The following AHRR variants were observed in gnomAD, a reference collection of about 807,000 sequenced individuals.
The protein encoded by AHRR is aryl hydrocarbon receptor repressor, also known as ahR repressor.
AHRR carries 28 observed loss-of-function variants against 44.0 expected under a neutral mutation model. The ratio of observed to expected loss-of-function variants is 0.64; its 90% CI spans 0.47 to 0.87. AHRR has a LOEUF of 0.87. AHRR is among the 40% of genes least tolerant of loss of function. The probability of loss-of-function intolerance (pLI) is 0.00; values close to 1 mark genes in which losing one functional copy is unlikely to be tolerated. For synonymous variants in AHRR, 434 were observed against 407.0 expected, an observed-to-expected ratio of 1.07 and a Z score of -0.80; for missense variants, 990 against 953.9, an observed-to-expected ratio of 1.04 and a Z score of -0.50.
In AHRR at chr5:404,140, A is replaced by C. The variant is rs1318419170; in HGVS notation, c.352-9204A>C. ...GGGGTTACCCTTCTCCGTCTCTCTC[A>C]GCCTCAGCCGTTCCTGGTGGGTCTG... On this transcript the variant is annotated intron_variant, in intron 4 of 10. Transcript: ENST00000684583. This position sits in a 1 kb window ranked among gnomAD's most constrained non-coding sequence, Gnocchi z 4.1. 1 of 539,672 alleles carries C rather than the reference A, an allele frequency of 1.9e-6. No individual in the cohort carries two copies. Among genetic ancestry groups the C allele is most frequent in the African/African-American group, 1.9e-5 (1 of 52,452 alleles). 33.4% of individuals were successfully genotyped at this position (539,672 alleles called of 1,614,324 possible). A position where few individuals can be genotyped will look rare whatever the true frequency, so the allele number is the denominator to read the frequency against.
In AHRR at chr5:388,900, G is replaced by A. The variant is rs1039487702; in HGVS notation, c.351+12184G>A. Among the ~76,000 whole-genome samples, 1 of 152,196 alleles carries A rather than the reference G, an allele frequency of 6.6e-6. No individual in the cohort carries two copies. Among genetic ancestry groups the A allele is most frequent in the African/African-American group, 2.4e-5 (1 of 41,462 alleles). On this transcript the variant is annotated intron_variant, in intron 4 of 10. Coordinates refer to ENST00000684583, the MANE Select transcript of AHRR (RefSeq NM_001377236.1). The surrounding 1 kb of genome is among the most constrained non-coding windows in gnomAD (Gnocchi z 5.2). ...ATGACAAAAGCAGCAGGTGCGGAGG[G>A]TTTCCGCCGGTGCCTCGCACAGGAG...
chr5:341,461 C>G (rs890890006), intron 1 of AHRR, among the ~76,000 whole-genome samples: 3 of 150,952 alleles, frequency 2.0e-5, no homozygotes, highest in African/African-American at 7.3e-5. Context: ...TTCAAAGAAC[C>G]AACTTTTGGT....
At chr5:415,564 AATCT>A in intron 5 of AHRR, among the ~76,000 whole-genome samples, 5 of 145,306 alleles carry the variant, frequency 3.4e-5, no homozygotes, top group Non-Finnish European at 4.5e-5. Context: ...CTAGGGGCCG[AATCT>A]GCCTGGTCTG....
In AHRR at chr5:406,153, T is replaced by C. The variant is rs141252182; in HGVS notation, c.352-7191T>C. On this transcript the variant is annotated intron_variant, in intron 4 of 10. Coordinates refer to ENST00000684583, the MANE Select transcript of AHRR (RefSeq NM_001377236.1). The surrounding 1 kb of genome is among the most constrained non-coding windows in gnomAD (Gnocchi z 4.7). ...TGTCCGGAAGAAGCCTCTTGCAGTGTGGATGGGAACCTGCCACAGCTGGGC... is the reference window on the plus strand; with the variant it reads ...TGTCCGGAAGAAGCCTCTTGCAGTGCGGATGGGAACCTGCCACAGCTGGGC... Among the ~76,000 whole-genome samples the C allele has an allele frequency of 2.6e-5, 4 of 152,318 alleles. No homozygotes were observed. Among genetic ancestry groups the C allele is most frequent in the Non-Finnish European group, 5.9e-5 (4 of 68,008 alleles).
At chr5:344,409 G>T (rs138500045) in intron 2 of AHRR, among the ~76,000 whole-genome samples, 613 of 18,162 alleles carry the variant, frequency 0.034, 37 homozygotes, top group African/African-American at 0.1. Flanking sequence ...GAGGGCTGCG[G>T]GGGTGTGTGC....
Position 395,372 on chromosome 5 carries a change from C to T in AHRR, c.352-17972C>T, listed in dbSNP as rs143305056. 5.3e-5 allele frequency among the ~76,000 whole-genome samples: 8 copies of T among 152,304 alleles called. 1 individual carries two copies. Among genetic ancestry groups the T allele is most frequent in the African/African-American group, 1.7e-4 (7 of 41,574 alleles). ...CCGAAAATTAGGGGAATAAAAGTCC[C>T]GGGAGAGGACAAGGTGGCAAACAGG... On this transcript the variant is annotated intron_variant, in intron 4 of 10. Coordinates refer to ENST00000684583, the MANE Select transcript of AHRR (RefSeq NM_001377236.1). The surrounding 1 kb of genome is among the most constrained non-coding windows in gnomAD (Gnocchi z 5.3).
Position 423,842 on chromosome 5 carries a change from A to AGAT in AHRR, c.578_580dup (p.Asp193dup), listed in dbSNP as rs1442755081. 6.2e-7 allele frequency: 1 copy of AGAT among 1,600,762 alleles called. No homozygotes were observed. ...CCCCTTGGCCCCTATGGTCTGCAGG[A>AGAT]GATGATGCTATCCTGGGGAGGCTGC... On this transcript the variant is annotated inframe_insertion and splice_region_variant, in exon 7 of 11. Coordinates refer to ENST00000684583, the MANE Select transcript of AHRR (RefSeq NM_001377236.1).
intron 4 of AHRR, among the ~76,000 whole-genome samples, chr5:390,245 C>T (rs1050791544): frequency 4.6e-5 from 7 of 152,172 alleles, no homozygotes; most frequent in African/African-American, 1.4e-4. Flanking sequence ...GGGATGGACA[C>T]CCCATCCTCC....
chr5:420,678 A>G (rs1736038413), intron 5 of AHRR, among the ~76,000 whole-genome samples: 1 of 152,222 alleles, frequency 6.6e-6, no homozygotes, highest in Non-Finnish European at 1.5e-5. Flanking sequence ...GGTGTCCACC[A>G]GGAGGGCGGG....
intron 1 of AHRR, among the ~76,000 whole-genome samples, chr5:330,457 T>A (rs915781397): frequency 3.3e-5 from 5 of 152,130 alleles, no homozygotes; most frequent in Non-Finnish European, 7.4e-5. Flanking sequence ...CACTGTAACC[T>A]CTGCCTCCTA....
rs1356602710 is a variant in AHRR at position 405,118 on chromosome 5, C to T, written c.352-8226C>T. On this transcript the variant is annotated intron_variant, in intron 4 of 10. Coordinates refer to ENST00000684583, the MANE Select transcript of AHRR (RefSeq NM_001377236.1). This position sits in a 1 kb window ranked among gnomAD's most constrained non-coding sequence, Gnocchi z 4.5. ...AAATGCAGCAGGTCTGACATTTCCC[C>T]ATTTCTCTTGGGGAAATCTGGGCAA... Among the ~76,000 whole-genome samples the T allele has an allele frequency of 6.6e-6, 1 of 152,122 alleles. No homozygotes were observed. Among genetic ancestry groups the T allele is most frequent in the African/African-American group, 2.4e-5 (1 of 41,424 alleles).
intron 4 of AHRR, among the ~76,000 whole-genome samples, chr5:398,114 A>ATCCACGTAGCTCCTGACCG (rs1560907551): frequency 1.8e-5 from 2 of 111,804 alleles, no homozygotes; most frequent in Non-Finnish European, 3.5e-5. Context: ...GCTCCTGACC[A>ATCCACGTAGCTCCTGACCG]TCCACGTAGC....
chr5:390,633 G>A (rs955827522), intron 4 of AHRR, among the ~76,000 whole-genome samples: 1 of 152,144 alleles, frequency 6.6e-6, no homozygotes, highest in Admixed American at 6.5e-5. Context: ...AGAGCTCCAG[G>A]AAGATCGGAG....
chr5:414,981 G>A (rs970058593), intron 5 of AHRR, among the ~76,000 whole-genome samples: 20 of 152,368 alleles, frequency 1.3e-4, no homozygotes, highest in Non-Finnish European at 1.9e-4. Context: ...GGCGGGGGCC[G>A]TTGGAAACCC....
intron 5 of AHRR, among the ~76,000 whole-genome samples, chr5:415,791 G>A (rs80127419): frequency 0.12 from 18,435 of 151,236 alleles, 1,511 homozygotes; most frequent in Non-Finnish European, 0.19. Flanking sequence ...ACTAGTCCCT[G>A]ACAAGTCATT....
chr5:417,851 G>A (rs755666352), intron 5 of AHRR, among the ~76,000 whole-genome samples: 54 of 152,214 alleles, frequency 3.5e-4, no homozygotes, highest in Non-Finnish European at 5.9e-4. Context: ...TTGTGCTTGT[G>A]TGAGCTTATT....
chr5:407,155 A>G (rs1231867641), intron 4 of AHRR, among the ~76,000 whole-genome samples: 1 of 152,214 alleles, frequency 6.6e-6, no homozygotes, highest in African/African-American at 2.4e-5. Flanking sequence ...TTTTGTAGCT[A>G]TCATTGCATA....
chr5:349,109 C>G (rs1486462823), intron 2 of AHRR, among the ~76,000 whole-genome samples: 1 of 152,192 alleles, frequency 6.6e-6, no homozygotes, highest in Non-Finnish European at 1.5e-5. Context: ...ATCCATATAT[C>G]TTGTCTGGTG....
rs567042317 is a variant in AHRR, at chr5:371,684, C to A, written c.245-4926C>A. Among the ~76,000 whole-genome samples, 5 of 152,332 alleles carry A rather than the reference C, an allele frequency of 3.3e-5. No individual in the cohort carries two copies. The East Asian group carries it at 9.7e-4, about 29-fold the overall frequency. On this transcript the variant is annotated intron_variant, in intron 3 of 10. Coordinates refer to ENST00000684583, the MANE Select transcript of AHRR (RefSeq NM_001377236.1). ...TCACAAGGTGGCTCTGACTGTCCTT[C>A]CAGGCCTGTGGAACCGACTCCCGTG...
Sources: gnomAD v4.1 joint callset for allele counts (sites outside exome capture counted in the v4.1 genomes callset) on GRCh38, gnomAD v4.1.1 for gene constraint, Gnocchi (gnomAD v3.1) non-coding constraint, MANE v1.5 for transcripts, NCBI Gene and HGNC (gene_info 2026-07-23, HGNC 2026-07-21) for gene names.